The following B3GLCT variants were observed in gnomAD, a reference collection of about 807,000 sequenced individuals.
B3GLCT encodes beta-1,3-glucosyltransferase.
A neutral mutation model predicts 63.4 loss-of-function variants in B3GLCT; 65 were observed. The ratio of observed to expected loss-of-function variants is 1.03; its 90% CI spans 0.84 to 1.26. B3GLCT has a LOEUF of 1.26. Ranked by LOEUF, B3GLCT falls within the 50% of genes most tolerant of loss-of-function variation. The pLI, the probability that B3GLCT is intolerant of heterozygous loss-of-function variation, is 0.00. For synonymous variants in B3GLCT, 233 were observed against 219.2 expected (o/e 1.06, Z -0.55); for missense variants, 577 against 604.8 (o/e 0.95, Z 0.48).
intron 12 of B3GLCT, among the ~76,000 whole-genome samples, chr13:31,296,631 A>T (rs990007849): frequency 1.3e-5 from 2 of 152,248 alleles, no homozygotes; most frequent in Admixed American, 1.3e-4. Context: ...AGTATAGATT[A>T]TCAAATACTA....
At chr13:31,231,030 CT>C (rs1044202212) in intron 4 of B3GLCT, among the ~76,000 whole-genome samples, 123 of 151,558 alleles carry the variant, frequency 8.1e-4, no homozygotes, top group Middle Eastern at 3.4e-3. Context: ...ATTTTTTTTT[CT>C]TTTTTTTGGA....
chr13:31,328,986 G>C (rs1875777421), intron 14 of B3GLCT, among the ~76,000 whole-genome samples: 1 of 152,186 alleles, frequency 6.6e-6, no homozygotes, highest in Non-Finnish European at 1.5e-5. Context: ...AAGAGAGCAT[G>C]AGTTACATTA....
intron 1 of B3GLCT, among the ~76,000 whole-genome samples, chr13:31,202,971 C>A (rs1868759982): frequency 6.6e-6 from 1 of 152,188 alleles, no homozygotes; most frequent in South Asian, 2.1e-4. Flanking sequence ...CAAACCTAAT[C>A]CTATTGCCAA....
At chr13:31,211,239 A>T (rs369979661) in intron 1 of B3GLCT, among the ~76,000 whole-genome samples, 1 of 152,136 alleles carries the variant, frequency 6.6e-6, no homozygotes, top group Non-Finnish European at 1.5e-5. Context: ...TACTAAAAAT[A>T]CAAAAATTAG....
At chr13:31,219,471 GT>G (rs1459394060) in intron 2 of B3GLCT, among the ~76,000 whole-genome samples, 1 of 152,148 alleles carries the variant, frequency 6.6e-6, no homozygotes, top group African/African-American at 2.4e-5. Context: ...CACATTTAAA[GT>G]GCTACCTAAT....
At chr13:31,298,733 C>T (rs1874080143) in intron 12 of B3GLCT, among the ~76,000 whole-genome samples, 1 of 152,184 alleles carries the variant, frequency 6.6e-6, no homozygotes, top group African/African-American at 2.4e-5. Flanking sequence ...GTACCTTCTC[C>T]TCAGCCTACT....
chr13:31,314,757 A>T (rs947325474), intron 12 of B3GLCT, among the ~76,000 whole-genome samples: 1 of 152,086 alleles, frequency 6.6e-6, no homozygotes, highest in Admixed American at 6.5e-5. Flanking sequence ...TGAGGACATG[A>T]TATTTGAGAG....
chr13:31,250,045 C>T (rs1041395448), intron 6 of B3GLCT, among the ~76,000 whole-genome samples: 4 of 152,120 alleles, frequency 2.6e-5, no homozygotes, highest in Non-Finnish European at 5.9e-5. Flanking sequence ...TTTTATTAAT[C>T]TTTATTAAAT....
intron 7 of B3GLCT, among the ~76,000 whole-genome samples, chr13:31,263,430 C>G (rs879280321): frequency 6.6e-6 from 1 of 152,190 alleles, no homozygotes; most frequent in Non-Finnish European, 1.5e-5. Context: ...TTCAACCTAA[C>G]TCTTATGGCT....
intron 4 of B3GLCT, among the ~76,000 whole-genome samples, chr13:31,246,691 C>T (rs1248888043): frequency 2.0e-5 from 3 of 152,182 alleles, no homozygotes; most frequent in Non-Finnish European, 4.4e-5. Context: ...CAGGCTCTTC[C>T]CTTCAAGTCA....
intron 12 of B3GLCT, among the ~76,000 whole-genome samples, chr13:31,316,407 T>TTA (rs71099949): frequency 0.069 from 2,836 of 40,866 alleles, 475 homozygotes; most frequent in African/African-American, 0.16. Context: ...TTTGGAGGTT[T>TTA]TATATATATA....
At chr13:31,293,942 T>C (rs982849449) in intron 12 of B3GLCT, among the ~76,000 whole-genome samples, 1 of 152,214 alleles carries the variant, frequency 6.6e-6, no homozygotes, top group Non-Finnish European at 1.5e-5. Flanking sequence ...CAGTGGCTGG[T>C]ACCGCTTTTT....
At chr13:31,321,116 G>A (rs186513400) in intron 13 of B3GLCT, among the ~76,000 whole-genome samples, 1 of 152,338 alleles carries the variant, frequency 6.6e-6, no homozygotes, top group Non-Finnish European at 1.5e-5. Context: ...AGGGACTCAT[G>A]TTTTTCAAGG....
At chr13:31,296,041 T>A (rs575210882) in intron 12 of B3GLCT, among the ~76,000 whole-genome samples, 1 of 152,268 alleles carries the variant, frequency 6.6e-6, no homozygotes, top group Non-Finnish European at 1.5e-5. Context: ...GCACAGTCCC[T>A]CTTGACTTCT....
chr13:31,204,238 T>A (rs1344061731), intron 1 of B3GLCT, among the ~76,000 whole-genome samples: 2 of 152,176 alleles, frequency 1.3e-5, no homozygotes, highest in African/African-American at 4.8e-5. Flanking sequence ...GAACGTTTGT[T>A]GCTGTCTGGA....
chr13:31,206,573 T>C (rs1043417477), intron 1 of B3GLCT, among the ~76,000 whole-genome samples: 6 of 126,330 alleles, frequency 4.7e-5, no homozygotes, highest in Non-Finnish European at 8.1e-5. Context: ...ACCCTGTCTC[T>C]ACTAAAAATG....
At chr13:31,208,267 C>T (rs1228156685) in intron 1 of B3GLCT, among the ~76,000 whole-genome samples, 1 of 152,176 alleles carries the variant, frequency 6.6e-6, no homozygotes, top group African/African-American at 2.4e-5. Flanking sequence ...TTCTCTCCTG[C>T]TTCTCCTCCC....
intron 12 of B3GLCT, chr13:31,312,666 A>C (rs1874778939): frequency 6.6e-6 from 1 of 152,248 alleles, no homozygotes; most frequent in Admixed American, 6.5e-5. Flanking sequence ...AAGTTGCTTC[A>C]ATAAGAAGTC....
At chr13:31,233,405 G>A (rs1870478088) in intron 4 of B3GLCT, among the ~76,000 whole-genome samples, 1 of 151,974 alleles carries the variant, frequency 6.6e-6, no homozygotes, top group Non-Finnish European at 1.5e-5. Flanking sequence ...AAAGAAGATG[G>A]AAATCCTTCA....
Sources: gnomAD v4.1 joint callset for allele counts (sites outside exome capture counted in the v4.1 genomes callset) on GRCh38, gnomAD v4.1.1 for gene constraint, MANE v1.5 for transcripts, NCBI Gene and HGNC (gene_info 2026-07-23, HGNC 2026-07-21) for gene names.